USP32: variants seen among roughly 807,000 people sequenced by gnomAD.
The protein encoded by USP32 is ubiquitin specific peptidase 32, also known as ubiquitin carboxyl-terminal hydrolase 32.
Under a neutral mutation model 204.8 loss-of-function variants are expected in USP32, and 59 were observed. That is an observed-to-expected ratio of 0.29 (90% confidence interval 0.23 to 0.36). The LOEUF (loss-of-function observed/expected upper bound fraction) is 0.36. Ranked by LOEUF, USP32 falls within the 10% of genes least tolerant of loss-of-function variation. The probability of loss-of-function intolerance (pLI) is 1.00; values close to 1 mark genes in which losing one functional copy is unlikely to be tolerated. For synonymous variants in USP32, 517 were observed against 678.4 expected (o/e 0.76, Z 3.70); for missense variants, 1,160 against 1,946.4 (o/e 0.60, Z 7.60).
At chr17:60,224,733 T>G (rs886080924) in intron 13 of USP32, among the ~76,000 whole-genome samples, 1 of 152,194 alleles carries the variant, frequency 6.6e-6, no homozygotes, top group Non-Finnish European at 1.5e-5. Flanking sequence ...CAGTGAGCTA[T>G]GATCATGCCA....
At chr17:60,189,499 ACT>A (rs1328008856) in intron 29 of USP32, among the ~76,000 whole-genome samples, 2 of 152,176 alleles carry the variant, frequency 1.3e-5, no homozygotes, top group African/African-American at 4.8e-5. Context: ...AACTCCTTTG[ACT>A]CTGTTGTTTT....
At chr17:60,225,268 C>T (rs543113614) in intron 13 of USP32, among the ~76,000 whole-genome samples, 1 of 151,906 alleles carries the variant, frequency 6.6e-6, no homozygotes, top group Non-Finnish European at 1.5e-5. Flanking sequence ...GCCTGGGCAA[C>T]ATGGCAAAAC....
At chr17:60,396,403 A>G (rs898153015), upstream of USP32, among the ~76,000 whole-genome samples, 5 of 152,166 alleles carry the variant, frequency 3.3e-5, no homozygotes, top group African/African-American at 1.2e-4. Context: ...CAAGTAATAC[A>G]TGCTCATTTT....
At chr17:60,179,531 T>C in intron 33 of USP32, 103 bp from the exon 34 acceptor site, 2 of 1,431,356 alleles carry the variant, frequency 1.4e-6, no homozygotes, top group African/African-American at 1.4e-5. Context: ...CTAAACCTGA[T>C]TGCTTCCAAT....
At chr17:60,303,091 A>C (rs997308063) in intron 2 of USP32, among the ~76,000 whole-genome samples, 3 of 152,208 alleles carry the variant, frequency 2.0e-5, no homozygotes, top group Non-Finnish European at 4.4e-5. Flanking sequence ...AAAACTATCT[A>C]TCTCTAGTGC....
chr17:60,257,069 G>C (rs1252646931), intron 9 of USP32: 1 of 213,152 alleles, frequency 4.7e-6, no homozygotes, highest in African/African-American at 2.4e-5. Flanking sequence ...AAGCAAAGGA[G>C]GCTTGCTGCC....
chr17:60,347,804 A>G (rs568470294), intron 1 of USP32, among the ~76,000 whole-genome samples: 2 of 151,548 alleles, frequency 1.3e-5, no homozygotes, highest in East Asian at 4.0e-4. Flanking sequence ...GGATTATGTT[A>G]TTATGTAGAC....
Position 60,213,791 on chromosome 17 carries a change from C to T in USP32, c.2023-129G>A, listed in dbSNP as rs2085032077. 5.7e-5 allele frequency: 59 copies of T among 1,041,502 alleles called. No homozygotes were observed. The South Asian group carries it at 1.0e-3, about 18-fold the overall frequency. The allele number at this position is 1,041,502 out of a possible 1,614,324, so 64.5% of individuals were successfully genotyped here. ...ATATAACATATCACAAATATCTGGC[C>T]TACTATAGTTGTTCATAAATATTTA... On this transcript the variant is annotated intron_variant, in intron 17 of 33. Transcript: ENST00000300896.
intron 12 of USP32, among the ~76,000 whole-genome samples, chr17:60,229,470 C>G (rs927045987): frequency 1.3e-5 from 2 of 152,184 alleles, no homozygotes; most frequent in Non-Finnish European, 2.9e-5. Context: ...ATGTTAAGAG[C>G]TTAGAAATTG....
At chr17:60,284,388 A>G (rs1417281573) in intron 5 of USP32, among the ~76,000 whole-genome samples, 1 of 139,470 alleles carries the variant, frequency 7.2e-6, no homozygotes, top group East Asian at 2.1e-4. Context: ...TAATTTTTGT[A>G]TTTTTTTTTT....
At chr17:60,361,034 C>T (rs961253583) in intron 1 of USP32, among the ~76,000 whole-genome samples, 1 of 151,690 alleles carries the variant, frequency 6.6e-6, no homozygotes, top group Admixed American at 6.6e-5. Flanking sequence ...GAGACTGAGG[C>T]AGGAAAATTG....
rs1598255140 is a variant in USP32, at chr17:60,331,254, A to G, written c.186+14227T>C. On this transcript the variant is annotated intron_variant, in intron 2 of 33. Coordinates refer to ENST00000300896, the MANE Select transcript of USP32 (RefSeq NM_032582.4). ...ACATTTTACCAACTTTTGTGAAACA[A>G]CTGAAGTACAATAAAACTGCATATA... Among the ~76,000 whole-genome samples, 3 of 152,358 alleles carry G rather than the reference A, an allele frequency of 2.0e-5. No individual in the cohort carries two copies. The East Asian group carries it at 5.8e-4, about 29-fold the overall frequency.
At chr17:60,360,869 C>T (rs1316827215) in intron 1 of USP32, among the ~76,000 whole-genome samples, 1 of 151,982 alleles carries the variant, frequency 6.6e-6, no homozygotes, top group Non-Finnish European at 1.5e-5. Context: ...TGGCTCACAC[C>T]TATAATCCCA....
intron 1 of USP32, among the ~76,000 whole-genome samples, chr17:60,388,540 C>A (rs575352265): frequency 6.6e-6 from 1 of 152,202 alleles, no homozygotes; most frequent in East Asian, 1.9e-4. Context: ...TTAGATGCAA[C>A]AAGGAGGTGA....
chr17:60,246,036 C>T (rs572062946), intron 11 of USP32, among the ~76,000 whole-genome samples: 9 of 151,742 alleles, frequency 5.9e-5, no homozygotes, highest in East Asian at 1.9e-4. Flanking sequence ...GGGAATATTC[C>T]GAATCTTCTA....
intron 1 of USP32, among the ~76,000 whole-genome samples, chr17:60,382,638 T>G (rs1206580561): frequency 6.6e-6 from 1 of 152,212 alleles, no homozygotes. Flanking sequence ...GAGAGCTCTG[T>G]GTGTTGAATT....
intron 1 of USP32, among the ~76,000 whole-genome samples, chr17:60,376,447 C>T (rs532905979): frequency 2.6e-5 from 4 of 151,826 alleles, no homozygotes; most frequent in Admixed American, 1.3e-4. Flanking sequence ...ATTTTAAACA[C>T]AGTATTAAAG....
intron 26 of USP32, among the ~76,000 whole-genome samples, chr17:60,200,647 G>A (rs1213530946): frequency 6.6e-6 from 1 of 151,534 alleles, no homozygotes; most frequent in Non-Finnish European, 1.5e-5. Context: ...AGAATATAGC[G>A]AACACTCAAA....
intron 2 of USP32, among the ~76,000 whole-genome samples, chr17:60,336,228 G>A (rs909426621): frequency 2.1e-5 from 3 of 142,838 alleles, no homozygotes; most frequent in Non-Finnish European, 4.4e-5. Flanking sequence ...ATCTTCTATT[G>A]TGAACTCTGT....
Sources: gnomAD v4.1 joint callset for allele counts (sites outside exome capture counted in the v4.1 genomes callset) on GRCh38, gnomAD v4.1.1 for gene constraint, MANE v1.5 for transcripts, NCBI Gene and HGNC (gene_info 2026-07-23, HGNC 2026-07-21) for gene names.